Variants in XYLT1 observed in about 807,000 individuals in gnomAD.
XYLT1 encodes the protein xylosyltransferase 1.
XYLT1 carries 36 observed loss-of-function variants against 91.3 expected under a neutral mutation model. That is an observed-to-expected ratio of 0.39 (90% CI 0.30 to 0.52). The LOEUF (loss-of-function observed/expected upper bound fraction) is 0.52, where lower values mean the gene tolerates loss of function less well. Ranked by LOEUF, XYLT1 falls within the 20% of genes least tolerant of loss-of-function variation. XYLT1 has a pLI of 0.68. For synonymous variants in XYLT1, 588 were observed against 532.0 expected (o/e 1.11, Z -1.45); for missense variants, 1,242 against 1,284.5 (o/e 0.97, Z 0.51).
At chr16:17,184,679 C>T (rs911750670) in intron 5 of XYLT1, among the ~76,000 whole-genome samples, 2 of 152,196 alleles carry the variant, frequency 1.3e-5, no homozygotes, top group Admixed American at 6.5e-5. Context: ...CCATCACCCC[C>T]GAAAGTTCCA....
chr16:17,391,080 C>A (rs1333457031), intron 1 of XYLT1, among the ~76,000 whole-genome samples: 1 of 152,090 alleles, frequency 6.6e-6, no homozygotes, highest in Non-Finnish European at 1.5e-5. Context: ...AACCTGAATT[C>A]TGCTAGTGTA....
At chr16:17,419,165 G>A (rs2141919655) in intron 1 of XYLT1, among the ~76,000 whole-genome samples, 1 of 151,610 alleles carries the variant, frequency 6.6e-6, no homozygotes, top group East Asian at 2.0e-4. Context: ...CCTTTGATTT[G>A]AGTATGGAAT....
chr16:17,407,197 C>G (rs1019820319), intron 1 of XYLT1, among the ~76,000 whole-genome samples: 1 of 152,036 alleles, frequency 6.6e-6, no homozygotes, highest in Non-Finnish European at 1.5e-5. Flanking sequence ...GATGGGGTTT[C>G]GCCATGTTGG....
Position 17,107,341 on chromosome 16 carries a change from G to C in XYLT1, c.*1354C>G, listed in dbSNP as rs1272499176. On this transcript the variant is annotated 3_prime_UTR_variant, in exon 12 of 12. Transcript: ENST00000261381. Reference sequence around the variant, plus strand: ...TTTCCAAGGGAATCCCATCATTCAGGGGAGGTGGGATTACAGGAGCAAGGG... The same window carrying C: ...TTTCCAAGGGAATCCCATCATTCAGCGGAGGTGGGATTACAGGAGCAAGGG... 6.6e-6 allele frequency: 1 copy of C among 152,164 alleles called. No homozygotes were observed. Among genetic ancestry groups the C allele is most frequent in the Non-Finnish European group, 1.5e-5 (1 of 68,034 alleles). The allele number at this position is 152,164 out of a possible 1,614,324, so 9.4% of individuals were successfully genotyped here.
chr16:17,387,163 T>C (rs1377349637), intron 1 of XYLT1, among the ~76,000 whole-genome samples: 1 of 152,182 alleles, frequency 6.6e-6, no homozygotes, highest in Non-Finnish European at 1.5e-5. Context: ...ACACTCAGTG[T>C]ATGGATTCCT....
At chr16:17,252,198 T>C (rs1264203327) in intron 3 of XYLT1, among the ~76,000 whole-genome samples, 1 of 152,192 alleles carries the variant, frequency 6.6e-6, no homozygotes, top group African/African-American at 2.4e-5. Context: ...GCACTCAGCA[T>C]TTTATATGCA....
chr16:17,270,193 G>A (rs1365200925), intron 2 of XYLT1, among the ~76,000 whole-genome samples: 1 of 152,184 alleles, frequency 6.6e-6, no homozygotes, highest in Non-Finnish European at 1.5e-5. Context: ...TTTTCCTATT[G>A]CAACAGGCAT....
At chr16:17,118,277 T>TGAATGAACGAAA (rs1182476641) in intron 10 of XYLT1, among the ~76,000 whole-genome samples, 2 of 131,926 alleles carry the variant, frequency 1.5e-5, no homozygotes, top group African/African-American at 6.5e-5. Flanking sequence ...AATGAGTGAA[T>TGAATGAACGAAA]GAATGAACGA....
At chr16:17,462,873 C>T (rs1003860410) in intron 1 of XYLT1, among the ~76,000 whole-genome samples, 1 of 152,118 alleles carries the variant, frequency 6.6e-6, no homozygotes, top group Non-Finnish European at 1.5e-5. Context: ...TGAGTTCATG[C>T]ACAAAGAGGG....
rs374992098 is a variant in XYLT1 at position 17,247,405 on chromosome 16, T to C, written c.913+11583A>G. Reference sequence around the variant, plus strand: ...AAAATCATCACAAACCACCCTGCCATGGAAGCGAGTCTCCCATGCCCACCT... The same window carrying C: ...AAAATCATCACAAACCACCCTGCCACGGAAGCGAGTCTCCCATGCCCACCT... On this transcript the variant is annotated intron_variant, in intron 3 of 11. Coordinates refer to ENST00000261381, the MANE Select transcript of XYLT1 (RefSeq NM_022166.4). 2.3e-4 allele frequency among the ~76,000 whole-genome samples: 35 copies of C among 152,220 alleles called. 1 individual carries two copies. In the East Asian group the frequency reaches 4.6e-3, roughly 20 times the overall value.
At chr16:17,458,820 C>G (rs987164065) in intron 1 of XYLT1, among the ~76,000 whole-genome samples, 4 of 152,044 alleles carry the variant, frequency 2.6e-5, no homozygotes, top group Admixed American at 2.0e-4. Context: ...AGTGTTGAAG[C>G]TGCCGTTTTG....
chr16:17,360,867 G>C (rs533427394), intron 1 of XYLT1, among the ~76,000 whole-genome samples: 30 of 152,180 alleles, frequency 2.0e-4, no homozygotes, highest in Non-Finnish European at 3.7e-4. Flanking sequence ...TTTGCAATGT[G>C]CGTGCACGCT....
At chr16:17,131,358 G>C (rs13380773) in intron 9 of XYLT1, among the ~76,000 whole-genome samples, 2 of 152,136 alleles carry the variant, frequency 1.3e-5, no homozygotes, top group African/African-American at 4.8e-5. Context: ...GAATGCAACC[G>C]AAGTATTCGT....
chr16:17,284,597 G>C (rs929505068), intron 2 of XYLT1, among the ~76,000 whole-genome samples: 4 of 152,154 alleles, frequency 2.6e-5, no homozygotes, highest in Non-Finnish European at 4.4e-5. Context: ...CGGGCAAAAG[G>C]TACCAGGCAG....
At chr16:17,404,448 C>T (rs994110132) in intron 1 of XYLT1, among the ~76,000 whole-genome samples, 2 of 152,150 alleles carry the variant, frequency 1.3e-5, no homozygotes, top group African/African-American at 4.8e-5. Context: ...CCAGATGTTG[C>T]CCCATTTAAC....
intron 5 of XYLT1, among the ~76,000 whole-genome samples, chr16:17,165,359 T>G (rs1022188790): frequency 2.6e-5 from 4 of 152,324 alleles, no homozygotes; most frequent in Middle Eastern, 3.4e-3. Context: ...CAGGCAGACT[T>G]CATCCTTTTA....
intron 2 of XYLT1, among the ~76,000 whole-genome samples, chr16:17,261,169 G>C (rs2033716339): frequency 6.6e-6 from 1 of 151,658 alleles, no homozygotes; most frequent in Admixed American, 6.6e-5. Context: ...CTTGAACCTG[G>C]GAGGCGGAGG....
intron 1 of XYLT1, among the ~76,000 whole-genome samples, chr16:17,387,592 C>T (rs1414358826): frequency 6.6e-6 from 1 of 152,194 alleles, no homozygotes; most frequent in Non-Finnish European, 1.5e-5. Flanking sequence ...CAGTGGCTCA[C>T]CACTGCCCAG....
intron 1 of XYLT1, among the ~76,000 whole-genome samples, chr16:17,382,547 T>C (rs2035694868): frequency 2.0e-5 from 3 of 151,750 alleles, no homozygotes; most frequent in Admixed American, 6.6e-5. Flanking sequence ...AGCCTGGAGA[T>C]CAAAGCACAG....
Sources: allele counts gnomAD v4.1 joint callset (sites outside exome capture counted in the v4.1 genomes callset), GRCh38; gene constraint gnomAD v4.1.1; transcripts MANE v1.5; gene names NCBI Gene and HGNC (gene_info 2026-07-23, HGNC 2026-07-21).